Variants in CNOT10 observed in about 807,000 individuals in gnomAD.
CNOT10 encodes the protein CCR4-NOT transcription complex, subunit 10.
In CNOT10, 30 loss-of-function variants were observed where a neutral mutation model predicts 94.6. The observed-to-expected ratio is 0.32, with a 90% CI of 0.24 to 0.43. CNOT10 has a LOEUF of 0.43. Ranked by LOEUF, CNOT10 falls within the 20% of genes least tolerant of loss-of-function variation. CNOT10 has a pLI of 1.00. For synonymous variants in CNOT10, 289 were observed against 301.6 expected (o/e 0.96, Z 0.43); for missense variants, 759 against 877.2 (o/e 0.87, Z 1.70).
At chr3:32,721,429 C>CTTTT (rs58351356) in intron 8 of CNOT10, among the ~76,000 whole-genome samples, 1,129 of 72,054 alleles carry the variant, frequency 0.016, no homozygotes, top group Non-Finnish European at 0.019. Flanking sequence ...TTTCTTTCAT[C>CTTTT]TTTTTTTTTT....
chr3:32,773,676 A>G lies in CNOT10; in HGVS notation c.*65A>G. 3 of 1,485,892 alleles carry G rather than the reference A, an allele frequency of 2.0e-6. No individual in the cohort carries two copies. The highest frequency in any genetic ancestry group is 1.8e-6 in the Non-Finnish European group (2 of 1,097,382). The allele number at this position is 1,485,892 out of a possible 1,614,324, so 92.0% of individuals were successfully genotyped here. On this transcript the variant is annotated 3_prime_UTR_variant, in exon 19 of 19. Transcript: ENST00000328834. ...AGAATTTACTGGCCATTTTAGTTGT[A>G]TCACAGCAGAATGAATAAAAGATGG...
chr3:32,741,922 A>T (rs981705077), intron 13 of CNOT10, among the ~76,000 whole-genome samples: 6 of 151,716 alleles, frequency 4.0e-5, no homozygotes, highest in Middle Eastern at 3.4e-3. Flanking sequence ...TTTTTTCATC[A>T]CATACTTGTT....
At chr3:32,753,919 C>T in intron 13 of CNOT10, 2 of 877,242 alleles carry the variant, frequency 2.3e-6, no homozygotes, top group Admixed American at 2.7e-5. Context: ...AATTTGCTCT[C>T]ACACACACAC....
chr3:32,702,842 T>A (rs1233612348), intron 1 of CNOT10, among the ~76,000 whole-genome samples: 1 of 152,068 alleles, frequency 6.6e-6, no homozygotes, highest in Non-Finnish European at 1.5e-5. Context: ...AACTTGGCCA[T>A]AGGAACCTTT....
Position 32,764,749 on chromosome 3 carries a change from C to T in CNOT10, c.1944C>T (p.Asn648=), listed in dbSNP as rs1438592705. Residue 648 remains asparagine, a synonymous_variant, in exon 17 of 19, where the codon AAC becomes AAT. Coordinates refer to ENST00000328834, the MANE Select transcript of CNOT10 (RefSeq NM_015442.3). ...VNSARTVMLF[N]LGSAYCLRSE... is the part of the protein sequence containing the mutation. ...CTGCCAGGACTGTGATGCTGTTCAA[C>T]CTTGGCAGCGCTTACTGCCTGAGGA... is the stretch of plus-strand genomic sequence containing the variant. 4 of 1,614,154 alleles carry T rather than the reference C, an allele frequency of 2.5e-6. No individual in the cohort carries two copies. The highest frequency in any genetic ancestry group is 2.2e-5 in the East Asian group (1 of 44,878).
intron 18 of CNOT10, among the ~76,000 whole-genome samples, chr3:32,771,088 AG>A (rs2125652295): frequency 6.6e-6 from 1 of 152,162 alleles, no homozygotes; most frequent in African/African-American, 2.4e-5. Flanking sequence ...GCACTTTGGG[AG>A]GCTGAGGTGG....
intron 13 of CNOT10, among the ~76,000 whole-genome samples, chr3:32,742,378 T>G (rs1255351989): frequency 6.6e-6 from 1 of 151,940 alleles, no homozygotes; most frequent in Non-Finnish European, 1.5e-5. Flanking sequence ...TGTTTTGGTG[T>G]GTTGTCATTG....
Position 32,720,168 on chromosome 3 carries a change from C to T in CNOT10, c.799C>T (p.Arg267Ter), listed in dbSNP as rs1698306479. The part of the protein sequence containing the change: ...SNFEYLRGNY[R>*]KAVKLLNSSN... ...TTTTGAGTACTTAAGAGGTAATTAT[C>T]GAAAAGCCGTGAAGCTATTAAATAG... The change falls in exon 8 of 19, where the codon CGA becomes TGA. Residue 267 changes from arginine to a stop codon, truncating the protein, a stop_gained. Transcript: ENST00000328834. LOFTEE classifies it high-confidence loss of function. The T allele has an allele frequency of 1.3e-6, 2 of 1,558,536 alleles. No individual in the cohort carries two copies. Among genetic ancestry groups the T allele is most frequent in the African/African-American group, 1.3e-5 (1 of 74,368 alleles).
chr3:32,707,376 T>C (rs1320842904), intron 3 of CNOT10, among the ~76,000 whole-genome samples: 1 of 152,190 alleles, frequency 6.6e-6, no homozygotes, highest in East Asian at 1.9e-4. Flanking sequence ...ATTTTTATTA[T>C]TGAGTACTTT....
At chr3:32,757,700 A>T (rs151157673) in intron 13 of CNOT10, among the ~76,000 whole-genome samples, 1 of 152,170 alleles carries the variant, frequency 6.6e-6, no homozygotes, top group Admixed American at 6.5e-5. Context: ...AAGATGAGAG[A>T]TAACTAGCCT....
chr3:32,753,347 G>C, intron 13 of CNOT10: 1 of 1,225,464 alleles, frequency 8.2e-7, no homozygotes, highest in South Asian at 1.2e-5. Context: ...GTATCAAACA[G>C]AATCGCAAGT....
At chr3:32,762,652 A>G (rs969114988) in intron 14 of CNOT10, 81 bp from the exon 15 acceptor site, 1 of 1,380,954 alleles carries the variant, frequency 7.2e-7, no homozygotes, top group Non-Finnish European at 9.9e-7. Context: ...GTATAATAAC[A>G]TAATATACCC....
Position 32,720,189 on chromosome 3 carries a change from A to C in CNOT10, c.820A>C (p.Asn274His), listed in dbSNP as rs1301849797. 1 of 1,545,688 alleles carries C rather than the reference A, an allele frequency of 6.5e-7. No homozygotes were observed. Among genetic ancestry groups the C allele is most frequent in the African/African-American group, 1.3e-5 (1 of 74,308 alleles). Residue 274 changes from asparagine (N) to histidine (H), a missense_variant, in exon 8 of 19, where the codon AAT (asparagine) becomes CAT (histidine). Asn to His is a moderately conservative substitution (Grantham distance 68). Transcript: ENST00000328834. Reference protein sequence around the residue: ...GNYRKAVKLLNSSNIAEHPGF... With the variant: ...GNYRKAVKLLHSSNIAEHPGF... ...TTATCGAAAAGCCGTGAAGCTATTA[A>C]ATAGTTCAAACATTGCTGAGCATCC...
intron 13 of CNOT10, among the ~76,000 whole-genome samples, chr3:32,748,347 A>T (rs1261081842): frequency 6.6e-6 from 1 of 152,096 alleles, no homozygotes; most frequent in African/African-American, 2.4e-5. Flanking sequence ...AAGGCCTAAT[A>T]CCCAAAGGAA....
chr3:32,703,355 C>G (rs1047985775), intron 1 of CNOT10, among the ~76,000 whole-genome samples: 1 of 152,132 alleles, frequency 6.6e-6, no homozygotes, highest in Non-Finnish European at 1.5e-5. Context: ...ATTCAGGGTC[C>G]TCCGGTGGAT....
At chr3:32,773,385 AT>A in intron 18 of CNOT10, 71 bp from the exon 19 acceptor site, 1 of 1,469,514 alleles carries the variant, frequency 6.8e-7, no homozygotes, top group Middle Eastern at 1.9e-4. Flanking sequence ...CCCCAGCAGG[AT>A]TTTCATGTCT....
intron 1 of CNOT10, 131 bp downstream of exon 1, chr3:32,685,613 C>G (rs981494611): frequency 2.0e-6 from 2 of 977,174 alleles, no homozygotes; most frequent in African/African-American, 3.2e-5. Context: ...TTTCTTTACC[C>G]CATCCTCTGT....
intron 13 of CNOT10, among the ~76,000 whole-genome samples, chr3:32,758,915 T>A (rs1320080467): frequency 6.6e-6 from 1 of 152,220 alleles, no homozygotes; most frequent in Non-Finnish European, 1.5e-5. Flanking sequence ...ATAAAACTTT[T>A]TAGTTACTCT....
chr3:32,770,527 G>A (rs1050444313), intron 18 of CNOT10, among the ~76,000 whole-genome samples: 2 of 151,616 alleles, frequency 1.3e-5, no homozygotes, highest in Non-Finnish European at 2.9e-5. Context: ...GGGTTTCACC[G>A]TGTTGGCCAC....
Sources: allele counts gnomAD v4.1 joint callset (sites outside exome capture counted in the v4.1 genomes callset), GRCh38; gene constraint gnomAD v4.1.1; transcripts MANE v1.5; gene names NCBI Gene and HGNC (gene_info 2026-07-23, HGNC 2026-07-21).